ZFP1: variants seen among roughly 807,000 people sequenced by gnomAD.
The protein encoded by ZFP1 is ZFP1 zinc finger protein.
Under a neutral mutation model 38.5 loss-of-function variants are expected in ZFP1, and 32 were observed. The ratio of observed to expected loss-of-function variants is 0.83; its 90% confidence interval spans 0.63 to 1.12. ZFP1 has a LOEUF of 1.12. Among genes scored for constraint, ZFP1 ranks in the 50% most tolerant of loss-of-function variants. The pLI, the probability that ZFP1 is intolerant of heterozygous loss-of-function variation, is 0.00. For missense variants in ZFP1, 616 were observed against 480.8 expected, an observed-to-expected ratio of 1.28 and a Z score of -2.63; for synonymous variants, 245 against 168.8, an observed-to-expected ratio of 1.45 and a Z score of -3.50.
At chr16:75,153,427 G>A (rs984937628) in intron 2 of ZFP1, among the ~76,000 whole-genome samples, 1 of 152,160 alleles carries the variant, frequency 6.6e-6, no homozygotes. Flanking sequence ...TTACTTTCTT[G>A]TGTAGCTTTC....
the ZFP1 span, among the ~76,000 whole-genome samples, chr16:75,141,473 G>A: frequency 1.3e-5 from 2 of 151,870 alleles, no homozygotes; most frequent in African/African-American, 2.4e-5. Flanking sequence ...CCAAAGTGCT[G>A]GGATTACAGG....
the ZFP1 span, among the ~76,000 whole-genome samples, chr16:75,135,537 G>C: frequency 2.0e-5 from 3 of 152,166 alleles, no homozygotes; most frequent in Admixed American, 2.0e-4. Context: ...GGAGGACAAG[G>C]TGAGAGGATT....
chr16:75,142,182 C>T, the ZFP1 span, among the ~76,000 whole-genome samples: 1 of 149,862 alleles, frequency 6.7e-6, no homozygotes, highest in Non-Finnish European at 1.5e-5. Flanking sequence ...ATGGTGAAAC[C>T]CCGTCTCCAC....
chr16:75,138,214 CT>C, the ZFP1 span, among the ~76,000 whole-genome samples: 1 of 151,400 alleles, frequency 6.6e-6, no homozygotes, highest in South Asian at 2.1e-4. Flanking sequence ...TTTTTGTATT[CT>C]TAGTAGAGAT....
intron 2 of ZFP1, among the ~76,000 whole-genome samples, chr16:75,161,006 G>A (rs1225951976): frequency 6.6e-6 from 1 of 152,112 alleles, no homozygotes; most frequent in East Asian, 1.9e-4. Flanking sequence ...TCAAACCATA[G>A]CATTGCCCCT....
At chr16:75,140,931 C>G in the ZFP1 span, among the ~76,000 whole-genome samples, 1 of 152,014 alleles carries the variant, frequency 6.6e-6, no homozygotes, top group African/African-American at 2.4e-5. Context: ...TGCACTCTAG[C>G]CTGGGCGACA....
chr16:75,167,469 CTT>C (rs997761351), intron 3 of ZFP1, among the ~76,000 whole-genome samples: 39 of 151,632 alleles, frequency 2.6e-4, no homozygotes, highest in African/African-American at 9.5e-4. Context: ...CCTAACATAT[CTT>C]AAACTTTGTT....
the ZFP1 span, among the ~76,000 whole-genome samples, chr16:75,141,563 T>A: frequency 6.6e-6 from 1 of 151,586 alleles, no homozygotes; most frequent in East Asian, 1.9e-4. Context: ...CAGAAAAAAA[T>A]GCACTTAGGG....
rs2036997194 is a variant in ZFP1 at position 75,148,549 on chromosome 16, G to A, written c.-138G>A. On this transcript the variant is annotated 5_prime_UTR_variant, in exon 1 of 4. The change creates a new upstream start codon in the 5' untranslated region. Coordinates refer to ENST00000570010, the MANE Select transcript of ZFP1 (RefSeq NM_153688.4). ...GCCCTTCCCCCACCACCAGCGGCGA[G>A]TGGGTGACAGAGCCCCCGTCTCCGC... The A allele has an allele frequency of 6.6e-6, 1 of 152,310 alleles. No individual in the cohort carries two copies. The highest frequency in any genetic ancestry group is 1.5e-5 in the Non-Finnish European group (1 of 68,098). The allele number at this position is 152,310 out of a possible 1,614,324, so 9.4% of individuals were successfully genotyped here.
the ZFP1 span, among the ~76,000 whole-genome samples, chr16:75,137,665 A>G: frequency 6.6e-6 from 1 of 151,522 alleles, no homozygotes; most frequent in Non-Finnish European, 1.5e-5. Context: ...ACGGGGTTTC[A>G]CCGTGTTAGC....
chr16:75,120,135 T>C, the ZFP1 span, among the ~76,000 whole-genome samples: 5 of 152,190 alleles, frequency 3.3e-5, no homozygotes, highest in Non-Finnish European at 5.9e-5. Context: ...GATGTGCATG[T>C]GTATGTGTGG....
chr16:75,138,024 C>CTTTTTTTTTTTTTTTTTTTTTTTTTTTTT, the ZFP1 span, among the ~76,000 whole-genome samples: 1 of 64,936 alleles, frequency 1.5e-5, no homozygotes, highest in African/African-American at 7.4e-5. Flanking sequence ...CTCCCACTTC[C>CTTTTTTTTTTTTTTTTTTTTTTTTTTTTT]TTTTTTTTTT....
chr16:75,134,742 C>G, the ZFP1 span, among the ~76,000 whole-genome samples: 1 of 146,644 alleles, frequency 6.8e-6, no homozygotes, highest in South Asian at 2.2e-4. Context: ...CACAGCAAGT[C>G]TCCGCCTCAA....
Position 75,166,925 on chromosome 16 carries a change from C to G in ZFP1, c.142+29C>G, listed in dbSNP as rs148482862. Reference sequence around the variant, plus strand: ...AGGACGGTTTTCAGGTACAGCTCACCATGTGCCTAGAGGTATTTATGTCCT... The same window carrying G: ...AGGACGGTTTTCAGGTACAGCTCACGATGTGCCTAGAGGTATTTATGTCCT... On this transcript the variant is annotated intron_variant, in intron 3 of 3. Transcript: ENST00000570010. The G allele has an allele frequency of 3.7e-6, 6 of 1,607,526 alleles. No individual in the cohort carries two copies. The Admixed American group carries it at 1.0e-4, about 27-fold the overall frequency.
chr16:75,140,874 T>G, the ZFP1 span, among the ~76,000 whole-genome samples: 22 of 151,938 alleles, frequency 1.4e-4, no homozygotes, highest in Admixed American at 2.6e-4. Context: ...CAGGAGAAAG[T>G]CATGCATCCG....
chr16:75,134,937 C>A, the ZFP1 span, among the ~76,000 whole-genome samples: 98 of 151,976 alleles, frequency 6.4e-4, no homozygotes, highest in Non-Finnish European at 1.2e-3. Context: ...GCCTGTAATC[C>A]CAGCTACTCG....
At chr16:75,140,838 T>A in the ZFP1 span, among the ~76,000 whole-genome samples, 93 of 152,030 alleles carry the variant, frequency 6.1e-4, 1 homozygote, top group African/African-American at 2.0e-3. Context: ...GGGCGCCTGT[T>A]GTCCCAGCTA....
chr16:75,126,588 G>A, the ZFP1 span, among the ~76,000 whole-genome samples: 1 of 152,160 alleles, frequency 6.6e-6, no homozygotes, highest in Non-Finnish European at 1.5e-5. Flanking sequence ...ATTTTTAGTA[G>A]AGATGGGGTT....
upstream of ZFP1, among the ~76,000 whole-genome samples, chr16:75,147,344 C>T (rs566409449): frequency 3.5e-4 from 53 of 152,134 alleles, no homozygotes; most frequent in Non-Finnish European, 6.3e-4. Flanking sequence ...GTGGCACAAT[C>T]TTGGCTCACT....
Sources: allele counts gnomAD v4.1 joint callset (sites outside exome capture counted in the v4.1 genomes callset), GRCh38; gene constraint gnomAD v4.1.1; transcripts MANE v1.5; gene names NCBI Gene and HGNC (gene_info 2026-07-23, HGNC 2026-07-21).